Variants in DPYD observed in about 807,000 individuals in gnomAD.
DPYD encodes dihydropyrimidine dehydrogenase [NADP(+)].
DPYD carries 109 observed loss-of-function variants against 116.2 expected under a neutral mutation model. The observed-to-expected ratio is 0.94, with a 90% CI of 0.80 to 1.10. The LOEUF (loss-of-function observed/expected upper bound fraction) is 1.10. Ranked by LOEUF, DPYD falls within the 50% of genes least tolerant of loss-of-function variation. The pLI, the probability that DPYD is intolerant of heterozygous loss-of-function variation, is 0.00. For missense variants in DPYD, 1,302 were observed against 1,254.5 expected (o/e 1.04, Z -0.57); for synonymous variants, 440 against 432.0 (o/e 1.02, Z -0.23).
chr1:97,559,462 T>C (rs1358030816), intron 11 of DPYD, among the ~76,000 whole-genome samples: 3 of 152,144 alleles, frequency 2.0e-5, no homozygotes, highest in African/African-American at 7.2e-5. Flanking sequence ...TAATTATGTA[T>C]CCATGTAATG....
intron 3 of DPYD, among the ~76,000 whole-genome samples, chr1:97,741,143 A>G (rs1299103207): frequency 1.3e-5 from 2 of 152,122 alleles, no homozygotes; most frequent in Non-Finnish European, 2.9e-5. Context: ...CCTTTCCAGT[A>G]GCAGCACACA....
chr1:97,281,399 A>C (rs2100935038), intron 18 of DPYD, among the ~76,000 whole-genome samples: 1 of 152,018 alleles, frequency 6.6e-6, no homozygotes, highest in Non-Finnish European at 1.5e-5. Flanking sequence ...TTTGAAAGAG[A>C]GAAAATATAT....
chr1:97,498,279 G>GAAA (rs1679383227), intron 13 of DPYD, among the ~76,000 whole-genome samples: 2 of 151,618 alleles, frequency 1.3e-5, no homozygotes, highest in African/African-American at 4.8e-5. Flanking sequence ...TAAAAACCAT[G>GAAA]AAAAGTTACA....
At chr1:97,776,895 G>A (rs1666437745) in intron 3 of DPYD, among the ~76,000 whole-genome samples, 1 of 152,156 alleles carries the variant, frequency 6.6e-6, no homozygotes, top group African/African-American at 2.4e-5. Context: ...GTCAAAATTA[G>A]TTGTTACTGT....
At chr1:97,199,724 C>T (rs1162208948) in intron 19 of DPYD, among the ~76,000 whole-genome samples, 1 of 152,008 alleles carries the variant, frequency 6.6e-6, no homozygotes, top group Non-Finnish European at 1.5e-5. Flanking sequence ...TAGGGCTAGT[C>T]ATTTAGCTTG....
At chr1:97,848,427 AT>A (rs1270493301) in intron 2 of DPYD, among the ~76,000 whole-genome samples, 1 of 152,286 alleles carries the variant, frequency 6.6e-6, no homozygotes, top group African/African-American at 2.4e-5. Context: ...TTTAGTGACT[AT>A]TTTCCAAAAA....
intron 8 of DPYD, among the ~76,000 whole-genome samples, chr1:97,612,415 T>C (rs1210987514): frequency 3.3e-5 from 5 of 152,168 alleles, no homozygotes; most frequent in African/African-American, 1.2e-4. Flanking sequence ...AAATTAATAC[T>C]TTACATATGG....
At chr1:97,628,697 T>C (rs1233075807) in intron 8 of DPYD, among the ~76,000 whole-genome samples, 1 of 152,008 alleles carries the variant, frequency 6.6e-6, no homozygotes. Context: ...AAATACTTTA[T>C]ATATGCATAC....
intron 13 of DPYD, among the ~76,000 whole-genome samples, chr1:97,466,578 T>C (rs1449516815): frequency 6.6e-6 from 1 of 152,226 alleles, no homozygotes; most frequent in Admixed American, 6.5e-5. Context: ...AATTATCATT[T>C]GTGCTTTTAA....
At chr1:97,510,730 A>G (rs931957680) in intron 13 of DPYD, among the ~76,000 whole-genome samples, 2 of 152,000 alleles carry the variant, frequency 1.3e-5, no homozygotes, top group Non-Finnish European at 2.9e-5. Flanking sequence ...GTATTTACCT[A>G]CTTCATGAAC....
At chr1:97,233,136 G>A (rs998568965) in intron 19 of DPYD, among the ~76,000 whole-genome samples, 83 of 152,098 alleles carry the variant, frequency 5.5e-4, no homozygotes, top group African/African-American at 1.8e-3. Context: ...TTGGACACCC[G>A]AGGGGCATGG....
chr1:97,748,811 C>A (rs1664703181), intron 3 of DPYD, among the ~76,000 whole-genome samples: 2 of 152,124 alleles, frequency 1.3e-5, no homozygotes, highest in South Asian at 4.1e-4. Context: ...GGAATCCTTT[C>A]TTCTTGAGGC....
intron 3 of DPYD, among the ~76,000 whole-genome samples, chr1:97,824,050 T>TC (rs1669106697): frequency 6.6e-6 from 1 of 152,082 alleles, no homozygotes; most frequent in East Asian, 1.9e-4. Context: ...CACTATTTGT[T>TC]TTAAATAACA....
intron 19 of DPYD, among the ~76,000 whole-genome samples, chr1:97,213,737 T>C (rs1660193896): frequency 6.6e-6 from 1 of 152,170 alleles, no homozygotes; most frequent in Non-Finnish European, 1.5e-5. Context: ...AAATTGTCAA[T>C]TGTTTGACCA....
At chr1:97,551,589 TAGG>T (rs1354331186) in intron 11 of DPYD, among the ~76,000 whole-genome samples, 2 of 151,768 alleles carry the variant, frequency 1.3e-5, no homozygotes, top group African/African-American at 4.8e-5. Context: ...ATTTTATCAC[TAGG>T]AGATCAAAGC....
rs989368123 is a variant in DPYD at position 97,323,399 on chromosome 1, T to C, written c.2059-17102A>G. Reference sequence around the variant, plus strand: ...GTGTATATGTACACGTATGTATACATATGTGTATATGTACACGTATATATA... The same window carrying C: ...GTGTATATGTACACGTATGTATACACATGTGTATATGTACACGTATATATA... On this transcript the variant is annotated intron_variant, in intron 16 of 22. Coordinates refer to ENST00000370192, the MANE Select transcript of DPYD (RefSeq NM_000110.4). Among the ~76,000 whole-genome samples, 18 of 39,442 alleles carry C rather than the reference T, an allele frequency of 4.6e-4. 2 individuals carry two copies. The highest frequency in any genetic ancestry group is 1.1e-3 in the African/African-American group (18 of 17,138). The allele number at this position is 39,442 out of a possible 152,430, so 25.9% of individuals were successfully genotyped here.
At chr1:97,536,650 TC>T (rs1650020848) in intron 12 of DPYD, among the ~76,000 whole-genome samples, 1 of 152,162 alleles carries the variant, frequency 6.6e-6, no homozygotes, top group Non-Finnish European at 1.5e-5. Flanking sequence ...CAAAATGAAA[TC>T]CTTTGCCTGG....
intron 8 of DPYD, among the ~76,000 whole-genome samples, chr1:97,666,766 A>G (rs1412992413): frequency 6.6e-6 from 1 of 152,188 alleles, no homozygotes; most frequent in Non-Finnish European, 1.5e-5. Flanking sequence ...GTTCTAGTAC[A>G]AAATAATCAG....
intron 20 of DPYD, among the ~76,000 whole-genome samples, chr1:97,148,237 G>GGTGT (rs142831995): frequency 1.1e-5 from 1 of 90,598 alleles, no homozygotes; most frequent in African/African-American, 6.1e-5. Context: ...GTATGTGTAG[G>GGTGT]GTGTGTGTGT....
Sources: gnomAD v4.1 joint callset for allele counts (sites outside exome capture counted in the v4.1 genomes callset) on GRCh38, gnomAD v4.1.1 for gene constraint, MANE v1.5 for transcripts, NCBI Gene and HGNC (gene_info 2026-07-23, HGNC 2026-07-21) for gene names.